Variants in CCDC85C observed in about 807,000 individuals in gnomAD.
CCDC85C encodes coiled-coil domain-containing protein 85C.
CCDC85C carries 18 observed loss-of-function variants against 38.3 expected under a neutral mutation model. That is an observed-to-expected ratio of 0.47 (90% CI 0.33 to 0.70). CCDC85C has a LOEUF of 0.70. Ranked by LOEUF, CCDC85C falls within the 30% of genes least tolerant of loss-of-function variation. The pLI, the probability that CCDC85C is intolerant of heterozygous loss-of-function variation, is 0.03. For missense variants in CCDC85C, 566 were observed against 621.2 expected (o/e 0.91, Z 0.94); for synonymous variants, 264 against 293.8 (o/e 0.90, Z 1.04).
chr14:99,559,770 T>C (rs1422909720), intron 1 of CCDC85C, among the ~76,000 whole-genome samples: 5 of 152,096 alleles, frequency 3.3e-5, no homozygotes, highest in African/African-American at 1.2e-4. Context: ...GGCTGCAGAC[T>C]AAGAGGAAAA....
Position 99,507,004 on chromosome 14 carries a change from C to A in CCDC85C, c.*8242G>T. The A allele has an allele frequency of 1.1e-6, 1 of 921,144 alleles. No homozygotes were observed. Among genetic ancestry groups the A allele is most frequent in the Non-Finnish European group, 1.8e-6 (1 of 547,774 alleles). 57.1% of individuals were successfully genotyped at this position (921,144 alleles called of 1,614,324 possible). ...TCTCCCAAAGAAATCTCTGCCAGTA[C>A]ATTTTTCTTTATGACATGCTTATTC... On this transcript the variant is annotated 3_prime_UTR_variant, in exon 6 of 6. Coordinates refer to ENST00000380243, the MANE Select transcript of CCDC85C (RefSeq NM_001144995.2).
At chr14:99,574,883 G>A (rs1898439074) in intron 1 of CCDC85C, among the ~76,000 whole-genome samples, 1 of 152,322 alleles carries the variant, frequency 6.6e-6, no homozygotes, top group Middle Eastern at 3.4e-3. Flanking sequence ...CCCACCCAGG[G>A]ACAGGCTGTA....
intron 2 of CCDC85C, chr14:99,522,472 T>G: frequency 2.3e-6 from 1 of 433,646 alleles, no homozygotes; most frequent in South Asian, 3.3e-5. Context: ...TTGTAAACAT[T>G]TGTTGGATGG....
At chr14:99,531,025 A>G (rs929837491) in intron 2 of CCDC85C, among the ~76,000 whole-genome samples, 2 of 152,202 alleles carry the variant, frequency 1.3e-5, no homozygotes, top group African/African-American at 4.8e-5. Context: ...TACAACATCC[A>G]TGTCAGGAAA....
chr14:99,501,097 A>G lies in CCDC85C; in HGVS notation c.*14149T>C. 2 of 599,268 alleles carry G rather than the reference A, an allele frequency of 3.3e-6. No individual in the cohort carries two copies. Among genetic ancestry groups the G allele is most frequent in the Non-Finnish European group, 5.8e-6 (2 of 341,968 alleles). The allele number at this position is 599,268 out of a possible 1,614,324, so 37.1% of individuals were successfully genotyped here. Reference sequence around the variant, plus strand: ...TGCCAAGTGATGGGAGAGGCAGGAAAATGAGGCAGAATTTTTTAAATGGAC... The same window carrying G: ...TGCCAAGTGATGGGAGAGGCAGGAAGATGAGGCAGAATTTTTTAAATGGAC... On this transcript the variant is annotated 3_prime_UTR_variant, in exon 6 of 6. Transcript: ENST00000380243.
rs1318771006 is a variant in CCDC85C, at chr14:99,503,532, G to T, written c.*11714C>A. 1 of 1,255,892 alleles carries T rather than the reference G, an allele frequency of 8.0e-7. No homozygotes were observed. Among genetic ancestry groups the T allele is most frequent in the Non-Finnish European group, 1.1e-6 (1 of 891,148 alleles). The allele number at this position is 1,255,892 out of a possible 1,614,324, so 77.8% of individuals were successfully genotyped here. A position where few individuals can be genotyped will look rare whatever the true frequency, so the allele number is the denominator to read the frequency against. Reference sequence around the variant, plus strand: ...CACAGTGACTGCCGTCGCTGATTCTGGTGGTACCTGGATAATCCATTTTTT... The same window carrying T: ...CACAGTGACTGCCGTCGCTGATTCTTGTGGTACCTGGATAATCCATTTTTT... On this transcript the variant is annotated 3_prime_UTR_variant, in exon 6 of 6. Transcript: ENST00000380243.
rs1896989547 is a variant in CCDC85C, at chr14:99,506,914, T to C, written c.*8332A>G. 2 of 626,950 alleles carry C rather than the reference T, an allele frequency of 3.2e-6. No individual in the cohort carries two copies. Among genetic ancestry groups the C allele is most frequent in the Non-Finnish European group, 5.8e-6 (2 of 345,574 alleles). The allele number at this position is 626,950 out of a possible 1,614,324, so 38.8% of individuals were successfully genotyped here. On this transcript the variant is annotated 3_prime_UTR_variant, in exon 6 of 6. Transcript: ENST00000380243. Reference sequence around the variant, plus strand: ...GCATTTAATTTGTTAACAGGATTCATGCATAATGGTTTAGCTGAAACCTTC... The same window carrying C: ...GCATTTAATTTGTTAACAGGATTCACGCATAATGGTTTAGCTGAAACCTTC...
intron 1 of CCDC85C, among the ~76,000 whole-genome samples, chr14:99,564,449 T>C (rs1035492780): frequency 6.6e-6 from 1 of 152,228 alleles, no homozygotes. Flanking sequence ...ACGTCCGCAC[T>C]TTTCTGAAGC....
chr14:99,599,604 C>G (rs112558763), intron 1 of CCDC85C, among the ~76,000 whole-genome samples: 41 of 152,248 alleles, frequency 2.7e-4, no homozygotes, highest in African/African-American at 9.6e-4. Flanking sequence ...CCAAAGGCAG[C>G]CAAGGCCAGG....
At position 99,558,296 on chromosome 14, in the gene CCDC85C, C is replaced by T. The variant is rs574305814; in HGVS notation, c.794-22208G>A. Among the ~76,000 whole-genome samples the T allele has an allele frequency of 1.3e-5, 2 of 152,338 alleles. No individual in the cohort carries two copies. Among genetic ancestry groups the T allele is most frequent in the East Asian group, 3.9e-4 (2 of 5,184 alleles). On this transcript the variant is annotated intron_variant, in intron 1 of 5. Transcript: ENST00000380243. The surrounding 1 kb of genome is among the most constrained non-coding windows in gnomAD (Gnocchi z 4.2). Reference sequence around the variant, plus strand: ...TTCCAAATTCATGTCCGCCCAGAACCTCAGAATGTGATCTTATTTGGAAAT... The same window carrying T: ...TTCCAAATTCATGTCCGCCCAGAACTTCAGAATGTGATCTTATTTGGAAAT...
intron 2 of CCDC85C, among the ~76,000 whole-genome samples, chr14:99,528,455 A>T (rs924779362): frequency 1.3e-5 from 2 of 152,214 alleles, no homozygotes; most frequent in Non-Finnish European, 2.9e-5. Flanking sequence ...CTCCAGATTC[A>T]CAAGGACTCA....
chr14:99,600,691 A>G (rs1039009654), intron 1 of CCDC85C, among the ~76,000 whole-genome samples: 9 of 123,056 alleles, frequency 7.3e-5, no homozygotes, highest in African/African-American at 2.3e-4. Context: ...TTGTCTGTCA[A>G]ATGGGGATAA....
At chr14:99,532,783 T>TTCTTC (rs1450491052) in intron 2 of CCDC85C, among the ~76,000 whole-genome samples, 2 of 35,598 alleles carry the variant, frequency 5.6e-5, no homozygotes, top group African/African-American at 1.8e-4. Flanking sequence ...CTTCTTCTTC[T>TTCTTC]TTTTTTTTTT....
Position 99,576,981 on chromosome 14 carries a change from G to T in CCDC85C, c.793+26186C>A, listed in dbSNP as rs1364025410. Among the ~76,000 whole-genome samples, 1 of 151,952 alleles carries T rather than the reference G, an allele frequency of 6.6e-6. No individual in the cohort carries two copies. Among genetic ancestry groups the T allele is most frequent in the Non-Finnish European group, 1.5e-5 (1 of 67,978 alleles). On this transcript the variant is annotated intron_variant, in intron 1 of 5. Transcript: ENST00000380243. This position sits in a 1 kb window ranked among gnomAD's most constrained non-coding sequence, Gnocchi z 4.8. ...GGGGGCACGGTGGACACCAGCGAATGCCCATGCCCAGGACCCCTGCCCTCC... is the reference window on the plus strand; with the variant it reads ...GGGGGCACGGTGGACACCAGCGAATTCCCATGCCCAGGACCCCTGCCCTCC...
intron 1 of CCDC85C, among the ~76,000 whole-genome samples, chr14:99,566,863 C>T (rs1415640800): frequency 6.6e-6 from 1 of 152,044 alleles, no homozygotes; most frequent in Non-Finnish European, 1.5e-5. Flanking sequence ...TGTCCTGCAC[C>T]CTCTACTGAA....
At position 99,545,760 on chromosome 14, in the gene CCDC85C, G is replaced by T. The variant is rs1272197484; in HGVS notation, c.794-9672C>A. Among the ~76,000 whole-genome samples, 1 of 152,146 alleles carries T rather than the reference G, an allele frequency of 6.6e-6. No homozygotes were observed. Among genetic ancestry groups the T allele is most frequent in the Admixed American group, 6.5e-5 (1 of 15,276 alleles). On this transcript the variant is annotated intron_variant, in intron 1 of 5. Coordinates refer to ENST00000380243, the MANE Select transcript of CCDC85C (RefSeq NM_001144995.2). The surrounding 1 kb of genome is among the most constrained non-coding windows in gnomAD (Gnocchi z 4.7). ...TGCAGCTCCCAGCATCAGGCTGAAA[G>T]GTACGCCCTCCTGGCTCCTTGGAGA...
At chr14:99,584,262 G>C (rs1354200749) in intron 1 of CCDC85C, among the ~76,000 whole-genome samples, 1 of 152,116 alleles carries the variant, frequency 6.6e-6, no homozygotes, top group East Asian at 1.9e-4. Context: ...GCATTATAGT[G>C]TCTTCCAAGT....
chr14:99,502,570 C>G lies in CCDC85C; in HGVS notation c.*12676G>C, dbSNP rs3918089. The G allele has an allele frequency of 1.5e-4, 175 of 1,199,868 alleles. 1 individual carries two copies. In the African/African-American group the frequency reaches 2.5e-3, roughly 17 times the overall value. The allele number at this position is 1,199,868 out of a possible 1,614,324, so 74.3% of individuals were successfully genotyped here. A position where few individuals can be genotyped will look rare whatever the true frequency, so the allele number is the denominator to read the frequency against. On this transcript the variant is annotated 3_prime_UTR_variant, in exon 6 of 6. Coordinates refer to ENST00000380243, the MANE Select transcript of CCDC85C (RefSeq NM_001144995.2). ...ACTTTTGGTAAACTAAAAATACACA[C>G]CAGTGTTGCACACAACGAAGATGGG... is the stretch of plus-strand genomic sequence containing the variant.
At chr14:99,551,620 T>TTGAGTGTGCAGGTGGGTGAGAGG (rs1897910948) in intron 1 of CCDC85C, among the ~76,000 whole-genome samples, 2 of 118,530 alleles carry the variant, frequency 1.7e-5, no homozygotes, top group South Asian at 2.7e-4. Context: ...GGGTGAGCAG[T>TTGAGTGTGCAGGTGGGTGAGAGG]TGAGTGTGCA....
Sources: allele counts gnomAD v4.1 joint callset (sites outside exome capture counted in the v4.1 genomes callset), GRCh38; gene constraint gnomAD v4.1.1; non-coding constraint Gnocchi (gnomAD v3.1); transcripts MANE v1.5; gene names NCBI Gene and HGNC (gene_info 2026-07-23, HGNC 2026-07-21).